The following RRAGD variants were observed in gnomAD, a reference collection of about 807,000 sequenced individuals.
The protein encoded by RRAGD is Ras related GTP binding D.
In RRAGD, 12 loss-of-function variants were observed where a neutral mutation model predicts 35.5. The ratio of observed to expected loss-of-function variants is 0.34; its 90% CI spans 0.22 to 0.55. RRAGD has a LOEUF of 0.55. RRAGD is among the 20% of genes least tolerant of loss of function. The pLI is 0.91. For synonymous variants in RRAGD, 155 were observed against 178.9 expected (o/e 0.87, Z 1.07); for missense variants, 324 against 490.1 (o/e 0.66, Z 3.20).
chr6:89,404,410 ACTTGGAACTGGGTATCAAGAGGAT>A (rs1396130507), intron 1 of RRAGD, among the ~76,000 whole-genome samples: 1 of 152,222 alleles, frequency 6.6e-6, no homozygotes, highest in Non-Finnish European at 1.5e-5. Context: ...CCAGATCAGC[ACTTGGAACTGGGTATCAAGAGGAT>A]CAGCTTTATG....
intron 2 of RRAGD, among the ~76,000 whole-genome samples, chr6:89,386,180 G>A (rs1035472380): frequency 2.6e-5 from 4 of 152,180 alleles, no homozygotes; most frequent in African/African-American, 9.7e-5. Flanking sequence ...GAGCCCTTGG[G>A]GAGCCTTCAG....
chr6:89,400,185 G>A (rs1005861113), intron 1 of RRAGD, among the ~76,000 whole-genome samples: 46 of 152,012 alleles, frequency 3.0e-4, no homozygotes, highest in African/African-American at 1.1e-3. Flanking sequence ...CCTTAAGTCA[G>A]AACACATTAG....
chr6:89,376,062 C>G (rs899411031), intron 5 of RRAGD, among the ~76,000 whole-genome samples: 19 of 152,134 alleles, frequency 1.2e-4, no homozygotes, highest in African/African-American at 4.3e-4. Flanking sequence ...CGTTCATCTT[C>G]CATGACTATT....
At chr6:89,401,555 C>T (rs1196620769) in intron 1 of RRAGD, among the ~76,000 whole-genome samples, 2 of 151,694 alleles carry the variant, frequency 1.3e-5, no homozygotes, top group Admixed American at 1.3e-4. Context: ...CTCGCCCGGC[C>T]CCCCACAGCA....
intron 1 of RRAGD, among the ~76,000 whole-genome samples, chr6:89,407,755 G>A (rs977738227): frequency 6.6e-6 from 1 of 152,150 alleles, no homozygotes; most frequent in South Asian, 2.1e-4. Flanking sequence ...TAACACAGGG[G>A]GTGAACTTGG....
Position 89,379,293 on chromosome 6 carries a change from A to G in RRAGD, c.690T>C (p.Phe230=). Residue 230 remains phenylalanine, a synonymous_variant, in exon 4 of 7, where the codon TTT becomes TTC. Transcript: ENST00000369415. ...SIYDHSIFEA[F]SKVVQKLIPQ... ...GAATCAGTTTCTGAACAACTTTGCTAAAAGCTTCAAATATTGAATGATCAT... is the reference window on the plus strand; with the variant it reads ...GAATCAGTTTCTGAACAACTTTGCTGAAAGCTTCAAATATTGAATGATCAT... 6.2e-7 allele frequency: 1 copy of G among 1,604,304 alleles called. No homozygotes were observed. Among genetic ancestry groups the G allele is most frequent in the South Asian group, 1.1e-5 (1 of 89,804 alleles).
chr6:89,391,686 C>T (rs1031642534), intron 1 of RRAGD, among the ~76,000 whole-genome samples: 23 of 152,080 alleles, frequency 1.5e-4, no homozygotes, highest in Admixed American at 6.5e-5. Flanking sequence ...GGCATGGTGG[C>T]TCACACCTGT....
chr6:89,399,651 G>A lies in RRAGD; in HGVS notation c.149-12061C>T, dbSNP rs1020315926. On this transcript the variant is annotated intron_variant, in intron 1 of 6. Coordinates refer to ENST00000369415, the MANE Select transcript of RRAGD (RefSeq NM_021244.5). ...TTTAATTAGCAAGTTGTAGTGGCTCGTGCCTATAGTCCCAGCTACTCAGGA... is the reference window on the plus strand; with the variant it reads ...TTTAATTAGCAAGTTGTAGTGGCTCATGCCTATAGTCCCAGCTACTCAGGA... Among the ~76,000 whole-genome samples, 61 of 151,396 alleles carry A rather than the reference G, an allele frequency of 4.0e-4. 1 individual carries two copies. The highest frequency in any genetic ancestry group is 1.4e-3 in the African/African-American group (59 of 41,406).
chr6:89,379,355 T>G lies in RRAGD; in HGVS notation c.645-17A>C. The G allele has an allele frequency of 1.5e-6, 2 of 1,323,706 alleles. No homozygotes were observed. Among genetic ancestry groups the G allele is most frequent in the Non-Finnish European group, 2.2e-6 (2 of 929,530 alleles). 82.0% of individuals were successfully genotyped at this position (1,323,706 alleles called of 1,614,324 possible). A position where few individuals can be genotyped will look rare whatever the true frequency, so the allele number is the denominator to read the frequency against. ...AGATAAAAGCTGAAAGAGGAAACGGTATTTCATCATGTTTTCCCTTTGAAT... is the reference window on the plus strand; with the variant it reads ...AGATAAAAGCTGAAAGAGGAAACGGGATTTCATCATGTTTTCCCTTTGAAT... On this transcript the variant is annotated splice_polypyrimidine_tract_variant and intron_variant, in intron 3 of 6. Transcript: ENST00000369415.
intron 1 of RRAGD, among the ~76,000 whole-genome samples, chr6:89,409,892 G>A (rs903964328): frequency 6.6e-6 from 1 of 152,198 alleles, no homozygotes; most frequent in Non-Finnish European, 1.5e-5. Flanking sequence ...CGTTTGCCGA[G>A]CAAACATGTT....
chr6:89,370,085 C>T (rs1453153526), intron 6 of RRAGD, among the ~76,000 whole-genome samples: 3 of 152,080 alleles, frequency 2.0e-5, no homozygotes, highest in African/African-American at 7.2e-5. Context: ...AACCTTTAGC[C>T]CTGACTGCCA....
chr6:89,385,931 C>T (rs1562453593), intron 2 of RRAGD, among the ~76,000 whole-genome samples: 2 of 152,118 alleles, frequency 1.3e-5, no homozygotes, highest in African/African-American at 4.8e-5. Context: ...GGATGGTTCT[C>T]GAGCATGGGC....
At chr6:89,369,436 A>C (rs1344667631) in intron 6 of RRAGD, among the ~76,000 whole-genome samples, 2 of 152,218 alleles carry the variant, frequency 1.3e-5, no homozygotes, top group Non-Finnish European at 2.9e-5. Flanking sequence ...GAAATACTCA[A>C]CTTGGGAAAT....
At chr6:89,404,690 C>G (rs1302779865) in intron 1 of RRAGD, among the ~76,000 whole-genome samples, 1 of 152,146 alleles carries the variant, frequency 6.6e-6, no homozygotes, top group Non-Finnish European at 1.5e-5. Flanking sequence ...ACCAGCAGAG[C>G]CCTGTCAAAA....
In RRAGD at chr6:89,412,190, GCCCCCT is replaced by G. The variant is rs1343178562; in HGVS notation, c.-203_-198del. ...TCCCGCGGTTCCCAGCGCGCCCGAA[GCCCCCT>G]CCCCCGCCCCGCCCGCCGGCGGAGG... On this transcript the variant is annotated 5_prime_UTR_variant, in exon 1 of 7. Coordinates refer to ENST00000369415, the MANE Select transcript of RRAGD (RefSeq NM_021244.5). This position sits in a 1 kb window ranked among gnomAD's most constrained non-coding sequence, Gnocchi z 4.2. 3 of 355,728 alleles carry G rather than the reference GCCCCCT, an allele frequency of 8.4e-6. No homozygotes were observed. Among genetic ancestry groups the G allele is most frequent in the African/African-American group, 6.5e-5 (3 of 46,388 alleles). 22.0% of individuals were successfully genotyped at this position (355,728 alleles called of 1,614,324 possible). A position where few individuals can be genotyped will look rare whatever the true frequency, so the allele number is the denominator to read the frequency against.
intron 2 of RRAGD, among the ~76,000 whole-genome samples, chr6:89,381,075 G>A (rs554869895): frequency 1.3e-5 from 2 of 152,286 alleles, no homozygotes; most frequent in East Asian, 1.9e-4. Context: ...CTGGGCGGGT[G>A]GGGAAGGAGC....
chr6:89,393,965 C>T (rs555633424), intron 1 of RRAGD, among the ~76,000 whole-genome samples: 1 of 152,272 alleles, frequency 6.6e-6, no homozygotes, highest in South Asian at 2.1e-4. Flanking sequence ...AAATAGTGGA[C>T]TGGCTAGTCA....
Position 89,367,962 on chromosome 6 carries a change from G to A in RRAGD, c.*94C>T. Reference sequence around the variant, plus strand: ...TTTTAACAACAAATCAATGGTATGTGTCCCAATCTCCTTCTTCCTCTTCCT... The same window carrying A: ...TTTTAACAACAAATCAATGGTATGTATCCCAATCTCCTTCTTCCTCTTCCT... On this transcript the variant is annotated 3_prime_UTR_variant, in exon 7 of 7. Coordinates refer to ENST00000369415, the MANE Select transcript of RRAGD (RefSeq NM_021244.5). 1 of 1,111,290 alleles carries A rather than the reference G, an allele frequency of 9.0e-7. No homozygotes were observed. Among genetic ancestry groups the A allele is most frequent in the Non-Finnish European group, 1.3e-6 (1 of 799,728 alleles). The allele number at this position is 1,111,290 out of a possible 1,614,324, so 68.8% of individuals were successfully genotyped here.
chr6:89,408,265 A>G (rs1306034256), intron 1 of RRAGD, among the ~76,000 whole-genome samples: 1 of 152,190 alleles, frequency 6.6e-6, no homozygotes, highest in African/African-American at 2.4e-5. Flanking sequence ...GCCCCCTGGT[A>G]TCTCTGAGCC....
Sources: allele counts gnomAD v4.1 joint callset (sites outside exome capture counted in the v4.1 genomes callset), GRCh38; gene constraint gnomAD v4.1.1; non-coding constraint Gnocchi (gnomAD v3.1); transcripts MANE v1.5; gene names NCBI Gene and HGNC (gene_info 2026-07-23, HGNC 2026-07-21).